RUNX1: variants seen among roughly 807,000 people sequenced by gnomAD.
The protein encoded by RUNX1 is RUNX family transcription factor 1.
In RUNX1, 19 loss-of-function variants were observed where a neutral mutation model predicts 42.8. The ratio of observed to expected loss-of-function variants is 0.44; its 90% CI spans 0.31 to 0.65. The LOEUF (loss-of-function observed/expected upper bound fraction) is 0.65. RUNX1 is among the 30% of genes least tolerant of loss of function. RUNX1 has a pLI of 0.07. For missense variants in RUNX1, 528 were observed against 672.0 expected (o/e 0.79, Z 2.37); for synonymous variants, 271 against 289.4 (o/e 0.94, Z 0.64).
At chr21:34,820,153 T>A (rs372337793) in intron 7 of RUNX1, among the ~76,000 whole-genome samples, 1 of 152,218 alleles carries the variant, frequency 6.6e-6, no homozygotes, top group Admixed American at 6.5e-5. Flanking sequence ...CTGTAGCTGG[T>A]TGTCCCCAAC....
intron 2 of RUNX1, among the ~76,000 whole-genome samples, chr21:34,987,616 G>A (rs1171778195): frequency 6.6e-6 from 1 of 152,154 alleles, no homozygotes; most frequent in African/African-American, 2.4e-5. Flanking sequence ...GATCTTTATG[G>A]TTAGGAGGCC....
At chr21:35,027,125 G>A (rs1018569760) in intron 2 of RUNX1, among the ~76,000 whole-genome samples, 15 of 152,198 alleles carry the variant, frequency 9.9e-5, no homozygotes, top group African/African-American at 3.6e-4. Flanking sequence ...CATCAAGAAG[G>A]GCAGGGTGGA....
At chr21:34,976,315 T>C (rs577042332) in intron 2 of RUNX1, among the ~76,000 whole-genome samples, 1 of 152,276 alleles carries the variant, frequency 6.6e-6, no homozygotes, top group African/African-American at 2.4e-5. Flanking sequence ...TTTCCTCAAA[T>C]ATATGGGCTC....
chr21:34,875,003 G>A (rs748003840), intron 5 of RUNX1, among the ~76,000 whole-genome samples: 59 of 152,194 alleles, frequency 3.9e-4, no homozygotes, highest in Admixed American at 1.5e-3. Flanking sequence ...TGGGTGGAGA[G>A]AAGTACAGCT....
At chr21:34,889,024 G>A (rs2058041409) in intron 3 of RUNX1, among the ~76,000 whole-genome samples, 1 of 151,272 alleles carries the variant, frequency 6.6e-6, no homozygotes, top group African/African-American at 2.4e-5. Flanking sequence ...GCCACGGTCC[G>A]GAGACCTGGA....
At chr21:35,030,934 C>A (rs1187626016) in intron 2 of RUNX1, among the ~76,000 whole-genome samples, 1 of 152,174 alleles carries the variant, frequency 6.6e-6, no homozygotes, top group Non-Finnish European at 1.5e-5. Flanking sequence ...AAAAACATTT[C>A]TCAGAAAAAG....
chr21:34,806,389 G>T (rs1324420845), intron 7 of RUNX1, among the ~76,000 whole-genome samples: 1 of 152,214 alleles, frequency 6.6e-6, no homozygotes. Context: ...CAGGGATAAA[G>T]AAGGGAATTA....
At chr21:34,943,587 T>C (rs536992113) in intron 2 of RUNX1, among the ~76,000 whole-genome samples, 1 of 152,278 alleles carries the variant, frequency 6.6e-6, no homozygotes, top group Admixed American at 6.5e-5. Context: ...GGAGGGAACA[T>C]GGAGTCAGTC....
intron 5 of RUNX1, among the ~76,000 whole-genome samples, chr21:34,879,108 C>T (rs1569077742): frequency 6.6e-6 from 1 of 152,208 alleles, no homozygotes; most frequent in African/African-American, 2.4e-5. Flanking sequence ...GCTTCTCACC[C>T]ACTCTGCCAG....
chr21:34,927,256 G>A (rs1408658845), intron 2 of RUNX1, among the ~76,000 whole-genome samples: 2 of 152,116 alleles, frequency 1.3e-5, no homozygotes, highest in African/African-American at 4.8e-5. Flanking sequence ...TTTAGTAACA[G>A]GCTGGGCTTC....
In RUNX1 at chr21:34,907,513, C is replaced by A. The variant is rs1282724371; in HGVS notation, c.59-14550G>T. 6.6e-6 allele frequency among the ~76,000 whole-genome samples: 1 copy of A among 152,132 alleles called. No individual in the cohort carries two copies. Among genetic ancestry groups the A allele is most frequent in the South Asian group, 2.1e-4 (1 of 4,820 alleles). On this transcript the variant is annotated intron_variant, in intron 2 of 8. Transcript: ENST00000675419. The surrounding 1 kb of genome is among the most constrained non-coding windows in gnomAD (Gnocchi z 5.3). Reference sequence around the variant, plus strand: ...GCATACTATTTACTTCTTACTGTTTCTTGCTATTCAAAAAGTTTGCAAGCC... The same window carrying A: ...GCATACTATTTACTTCTTACTGTTTATTGCTATTCAAAAAGTTTGCAAGCC...
chr21:34,942,475 T>C (rs749646582), intron 2 of RUNX1, among the ~76,000 whole-genome samples: 1 of 152,230 alleles, frequency 6.6e-6, no homozygotes, highest in Non-Finnish European at 1.5e-5. Flanking sequence ...GATGCCTTTC[T>C]TCCCTCTGCT....
chr21:35,022,028 A>G (rs2059201811), intron 2 of RUNX1, among the ~76,000 whole-genome samples: 1 of 152,236 alleles, frequency 6.6e-6, no homozygotes, highest in Non-Finnish European at 1.5e-5. Context: ...TATCAATGTG[A>G]AATACATGTG....
chr21:34,849,837 T>C (rs1357846930), intron 6 of RUNX1, among the ~76,000 whole-genome samples: 1 of 151,534 alleles, frequency 6.6e-6, no homozygotes, highest in African/African-American at 2.4e-5. Flanking sequence ...AACACAGAAA[T>C]TGCCTATCAG....
At chr21:34,793,524 CA>C (rs59368376) in intron 8 of RUNX1, among the ~76,000 whole-genome samples, 4,147 of 151,732 alleles carry the variant, frequency 0.027, 159 homozygotes, top group African/African-American at 0.085. Flanking sequence ...AAAAAAAATC[CA>C]AAAAAGAATA....
chr21:34,891,373 T>C (rs2058079267), intron 3 of RUNX1, among the ~76,000 whole-genome samples: 1 of 152,224 alleles, frequency 6.6e-6, no homozygotes, highest in African/African-American at 2.4e-5. Flanking sequence ...CGGCGCAGGC[T>C]GTTAACTGCG....
chr21:34,977,303 A>G (rs954464286), intron 2 of RUNX1, among the ~76,000 whole-genome samples: 15 of 152,258 alleles, frequency 9.9e-5, no homozygotes, highest in African/African-American at 3.4e-4. Context: ...AGCCAATATA[A>G]TAATAATTGG....
intron 2 of RUNX1, among the ~76,000 whole-genome samples, chr21:34,936,408 G>A (rs1379367625): frequency 1.3e-5 from 2 of 152,180 alleles, no homozygotes; most frequent in East Asian, 1.9e-4. Flanking sequence ...GAAACCACAT[G>A]AAGGAATGAG....
chr21:35,039,937 G>T (rs1442701019), intron 2 of RUNX1, among the ~76,000 whole-genome samples: 1 of 152,148 alleles, frequency 6.6e-6, no homozygotes, highest in Non-Finnish European at 1.5e-5. Flanking sequence ...GTTCCTACCT[G>T]TCAGTCAATG....
Sources: gnomAD v4.1 joint callset for allele counts (sites outside exome capture counted in the v4.1 genomes callset) on GRCh38, gnomAD v4.1.1 for gene constraint, Gnocchi (gnomAD v3.1) non-coding constraint, MANE v1.5 for transcripts, NCBI Gene and HGNC (gene_info 2026-07-23, HGNC 2026-07-21) for gene names.